PSD3: variants seen among roughly 807,000 people sequenced by gnomAD.
PSD3 encodes PH and SEC7 domain-containing protein 3.
PSD3 carries 49 observed loss-of-function variants against 105.5 expected under a neutral mutation model. That is an observed-to-expected ratio of 0.46 (90% CI 0.37 to 0.59). PSD3 has a LOEUF of 0.59. Among genes scored for constraint, PSD3 ranks in the 20% least tolerant of loss-of-function variants. PSD3 has a pLI of 0.00. For missense variants in PSD3, 1,561 were observed against 1,263.8 expected, an observed-to-expected ratio of 1.24 and a Z score of -3.57; for synonymous variants, 557 against 457.8, an observed-to-expected ratio of 1.22 and a Z score of -2.77.
intron 11 of PSD3, among the ~76,000 whole-genome samples, chr8:18,613,285 C>G (rs538763594): frequency 2.0e-5 from 3 of 152,046 alleles, no homozygotes; most frequent in Non-Finnish European, 4.4e-5. Flanking sequence ...TTCTGAATAA[C>G]GCCCATCTGC....
chr8:18,736,433 C>G (rs1326006861), intron 9 of PSD3, among the ~76,000 whole-genome samples: 1 of 152,176 alleles, frequency 6.6e-6, no homozygotes, highest in African/African-American at 2.4e-5. Flanking sequence ...TTATCATCAA[C>G]TGTGTTTATT....
At chr8:18,763,156 T>C in intron 9 of PSD3, 1 of 416,864 alleles carries the variant, frequency 2.4e-6, no homozygotes, top group South Asian at 1.7e-5. Flanking sequence ...AATGTTACTT[T>C]TGAACCAAAT....
intron 8 of PSD3, chr8:18,774,677 T>C (rs7844573): frequency 0.48 from 174,848 of 362,422 alleles, 47,830 homozygotes; most frequent in Non-Finnish European, 0.61. Flanking sequence ...GCCACAGATC[T>C]GGGGGCTAGT....
chr8:18,726,222 C>A (rs1803325779), intron 9 of PSD3, among the ~76,000 whole-genome samples: 1 of 152,190 alleles, frequency 6.6e-6, no homozygotes, highest in South Asian at 2.1e-4. Flanking sequence ...TTCTTTTATG[C>A]ATTTATTGTA....
intron 9 of PSD3, among the ~76,000 whole-genome samples, chr8:18,684,458 A>T (rs753999185): frequency 5.9e-5 from 9 of 152,202 alleles, no homozygotes; most frequent in Non-Finnish European, 1.0e-4. Flanking sequence ...TCCACAAGGA[A>T]GAAAAAAAAT....
At chr8:18,812,692 C>G (rs985729747) in intron 4 of PSD3, among the ~76,000 whole-genome samples, 17 of 152,186 alleles carry the variant, frequency 1.1e-4, no homozygotes, top group Non-Finnish European at 2.9e-5. Context: ...AAAGAAGTTC[C>G]ATTTTTGATG....
At chr8:18,905,666 C>A (rs1040105656) in intron 2 of PSD3, among the ~76,000 whole-genome samples, 2 of 152,136 alleles carry the variant, frequency 1.3e-5, no homozygotes, top group Non-Finnish European at 2.9e-5. Flanking sequence ...CTTTTCTATG[C>A]GTCCTTATAT....
intron 9 of PSD3, among the ~76,000 whole-genome samples, chr8:18,702,726 C>T (rs1801661886): frequency 6.6e-6 from 1 of 151,960 alleles, no homozygotes; most frequent in Non-Finnish European, 1.5e-5. Flanking sequence ...CATTTTCCTG[C>T]CTCAGCCTCC....
chr8:18,892,373 G>A (rs1310023043), intron 2 of PSD3, among the ~76,000 whole-genome samples: 13 of 149,330 alleles, frequency 8.7e-5, no homozygotes, highest in African/African-American at 1.7e-4. Context: ...ACAGGCGCCC[G>A]CCACCACACC....
Position 18,998,554 on chromosome 8 carries a change from G to A in PSD3, c.21+15009C>T, listed in dbSNP as rs1237324701. Among the ~76,000 whole-genome samples, 3 of 151,968 alleles carry A rather than the reference G, an allele frequency of 2.0e-5. 1 individual carries two copies. The highest frequency in any genetic ancestry group is 4.4e-5 in the Non-Finnish European group (3 of 67,984). ...TACGAAAAATTAGCTGGGTGTGGTG[G>A]CATGCACCTGTAGTCCCAGCTACTC... On this transcript the variant is annotated intron_variant, in intron 1 of 15. Transcript: ENST00000327040.
At chr8:19,012,507 C>A (rs79135090) in intron 1 of PSD3, among the ~76,000 whole-genome samples, 2,777 of 152,230 alleles carry the variant, frequency 0.018, 88 homozygotes, top group African/African-American at 0.063. Context: ...CCAATCAACC[C>A]CTCCCTTTCA....
intron 1 of PSD3, among the ~76,000 whole-genome samples, chr8:19,074,885 G>A (rs1350770613): frequency 1.3e-5 from 2 of 151,510 alleles, no homozygotes; most frequent in East Asian, 3.9e-4. Flanking sequence ...CTCCCAACGT[G>A]CTGGGATTAC....
intron 10 of PSD3, among the ~76,000 whole-genome samples, chr8:18,634,976 G>A (rs1437418960): frequency 6.6e-6 from 1 of 151,972 alleles, no homozygotes; most frequent in Non-Finnish European, 1.5e-5. Context: ...TTATTATTAC[G>A]GTGTTTTAAA....
In PSD3 at chr8:18,830,276, C is replaced by T. The variant is rs1813576300; in HGVS notation, c.1635-25378G>A. Among the ~76,000 whole-genome samples, 3 of 152,196 alleles carry T rather than the reference C, an allele frequency of 2.0e-5. No individual in the cohort carries two copies. The South Asian group carries it at 6.2e-4, about 32-fold the overall frequency. ...CTACTGAATGAAATAGGCTCCAGAT[C>T]CCACTGAGTCCTCAAGCTCCAAGGA... On this transcript the variant is annotated intron_variant, in intron 4 of 15. Coordinates refer to ENST00000327040, the MANE Select transcript of PSD3 (RefSeq NM_015310.4).
chr8:18,586,673 G>T lies in PSD3; in HGVS notation c.2482-11388C>A, dbSNP rs550214656. 7.2e-5 allele frequency among the ~76,000 whole-genome samples: 11 copies of T among 152,192 alleles called. 1 individual carries two copies. The South Asian group carries it at 2.1e-3, about 29-fold the overall frequency. ...ATTGCCAGCCATTATGAATTCTTTC[G>T]AAGACCAATTTGATTCATTTAATCA... On this transcript the variant is annotated intron_variant, in intron 12 of 15. Coordinates refer to ENST00000327040, the MANE Select transcript of PSD3 (RefSeq NM_015310.4).
intron 11 of PSD3, among the ~76,000 whole-genome samples, chr8:18,616,033 C>G (rs895160127): frequency 6.6e-6 from 1 of 152,190 alleles, no homozygotes; most frequent in Non-Finnish European, 1.5e-5. Context: ...AACAGCCTCA[C>G]TTGCTTTTCC....
chr8:18,792,017 C>A (rs74936387), intron 8 of PSD3, among the ~76,000 whole-genome samples: 1 of 152,040 alleles, frequency 6.6e-6, no homozygotes, highest in Admixed American at 6.6e-5. Context: ...AATGAGATAC[C>A]ATCTCACACC....
Position 18,809,243 on chromosome 8 carries a change from G to C in PSD3, c.1635-4345C>G, listed in dbSNP as rs533345049. Among the ~76,000 whole-genome samples the C allele has an allele frequency of 2.0e-5, 3 of 152,214 alleles. No homozygotes were observed. The South Asian group carries it at 6.2e-4, about 32-fold the overall frequency. On this transcript the variant is annotated intron_variant, in intron 4 of 15. Transcript: ENST00000327040. ...CTTGATCAAATCACTTTACAGCCTA[G>C]TAAGGTTGCAAATAAATAAATCCCT...
At chr8:18,622,980 GTAAGATTTTAAATTATTAATTATGCTA>G (rs1319537492) in intron 11 of PSD3, among the ~76,000 whole-genome samples, 3 of 152,046 alleles carry the variant, frequency 2.0e-5, no homozygotes, top group African/African-American at 4.8e-5. Flanking sequence ...TATTACTATG[GTAAGATTTTAAATTATTAATTATGCTA>G]TAATGATGGC....
Sources: gnomAD v4.1 joint callset for allele counts (sites outside exome capture counted in the v4.1 genomes callset) on GRCh38, gnomAD v4.1.1 for gene constraint, MANE v1.5 for transcripts, NCBI Gene and HGNC (gene_info 2026-07-23, HGNC 2026-07-21) for gene names.